Variants in IRAK4 observed in about 807,000 individuals in gnomAD.
IRAK4 encodes the protein interleukin-1 receptor-associated kinase 4.
In IRAK4, 44 loss-of-function variants were observed where a neutral mutation model predicts 51.8. That is an observed-to-expected ratio of 0.85 (90% CI 0.67 to 1.09). The LOEUF (loss-of-function observed/expected upper bound fraction) is 1.09. Ranked by LOEUF, IRAK4 falls within the 50% of genes least tolerant of loss-of-function variation. IRAK4 has a pLI of 0.00. For synonymous variants in IRAK4, 149 were observed against 174.1 expected, an observed-to-expected ratio of 0.86 and a Z score of 1.13; for missense variants, 487 against 538.0, an observed-to-expected ratio of 0.91 and a Z score of 0.94.
At chr12:43,760,986 A>G (rs1241433682) in intron 1 of IRAK4, 2 of 152,104 alleles carry the variant, frequency 1.3e-5, no homozygotes, top group African/African-American at 4.8e-5. Flanking sequence ...AGTCAATGGT[A>G]TTATATTTTG....
At chr12:43,765,677 A>G (rs1940061581) in intron 1 of IRAK4, among the ~76,000 whole-genome samples, 1 of 151,864 alleles carries the variant, frequency 6.6e-6, no homozygotes, top group Admixed American at 6.6e-5. Context: ...CACGATATGC[A>G]TTTTCCATGA....
chr12:43,783,597 A>T, intron 9 of IRAK4, 65 bp from the exon 10 acceptor site: 1 of 985,560 alleles, frequency 1.0e-6, no homozygotes, highest in Non-Finnish European at 1.6e-6. Flanking sequence ...CTGGGATTAC[A>T]GGCGTTAGCC....
chr12:43,760,638 A>T (rs1462793473), intron 1 of IRAK4, among the ~76,000 whole-genome samples: 5 of 152,186 alleles, frequency 3.3e-5, no homozygotes, highest in Admixed American at 1.3e-4. Flanking sequence ...CGTTTTGTCC[A>T]CAAACTTTTC....
At chr12:43,762,170 T>C (rs933978395) in intron 1 of IRAK4, among the ~76,000 whole-genome samples, 2 of 152,138 alleles carry the variant, frequency 1.3e-5, no homozygotes, top group Non-Finnish European at 2.9e-5. Flanking sequence ...AAGTATGTGG[T>C]TGGGAGTGGT....
rs1940713184 is a variant in IRAK4, at chr12:43,771,123, T to G, written c.162-97T>G. 8 of 1,085,116 alleles carry G rather than the reference T, an allele frequency of 7.4e-6. No individual in the cohort carries two copies. In the South Asian group the frequency reaches 1.1e-4, roughly 14 times the overall value. The allele number at this position is 1,085,116 out of a possible 1,614,324, so 67.2% of individuals were successfully genotyped here. A position where few individuals can be genotyped will look rare whatever the true frequency, so the allele number is the denominator to read the frequency against. On this transcript the variant is annotated intron_variant, in intron 2 of 11. Transcript: ENST00000613694. Reference sequence around the variant, plus strand: ...CAGAACCGTGAGCCAAATTAACTATTATTTATAAATTACCCTGTCTGTGGT... The same window carrying G: ...CAGAACCGTGAGCCAAATTAACTATGATTTATAAATTACCCTGTCTGTGGT...
chr12:43,779,564 A>G (rs1941594615), intron 8 of IRAK4, among the ~76,000 whole-genome samples: 3 of 152,212 alleles, frequency 2.0e-5, no homozygotes, highest in East Asian at 1.9e-4. Context: ...GGAGCAGATT[A>G]GAAAGATTAA....
chr12:43,761,220 T>C (rs1939518227), intron 1 of IRAK4, among the ~76,000 whole-genome samples: 1 of 152,228 alleles, frequency 6.6e-6, no homozygotes, highest in Admixed American at 6.5e-5. Context: ...CAGCATATTT[T>C]GCTAAGAATA....
At position 43,772,235 on chromosome 12, in the gene IRAK4, G is replaced by T. The variant is rs1940839846; in HGVS notation, c.363G>T (p.Gln121His). ...TLPSKEAITV[Q>H]QKQMPFCDKD... ...CTTCTAAAGAAGCTATAACAGTTCA[G>T]CAAAAACAGATGCCTTTCTGTGACA... The change falls in exon 4 of 12, where the codon CAG (glutamine) becomes CAT (histidine). Residue 121 changes from glutamine (Q) to histidine (H), a missense_variant. Coordinates refer to ENST00000613694, the MANE Select transcript of IRAK4 (RefSeq NM_016123.4). The T allele has an allele frequency of 6.2e-7, 1 of 1,613,670 alleles. No individual in the cohort carries two copies. Among genetic ancestry groups the T allele is most frequent in the African/African-American group, 1.3e-5 (1 of 74,912 alleles).
chr12:43,763,728 C>G (rs1444545923), intron 1 of IRAK4, among the ~76,000 whole-genome samples: 1 of 147,398 alleles, frequency 6.8e-6, no homozygotes, highest in Non-Finnish European at 1.5e-5. Flanking sequence ...CCTCATACTC[C>G]TCTCTCTCTC....
At chr12:43,768,337 T>C (rs991451899) in intron 2 of IRAK4, 65 bp downstream of exon 2, 3 of 1,256,922 alleles carry the variant, frequency 2.4e-6, no homozygotes, top group Middle Eastern at 2.6e-4. Context: ...TTAATTGGTA[T>C]AAGTACTGTC....
At position 43,789,120 on chromosome 12, in the gene IRAK4, A is replaced by G. The variant is rs1942396739; in HGVS notation, c.*2405A>G. The G allele has an allele frequency of 6.6e-6, 1 of 152,128 alleles. No homozygotes were observed. The highest frequency in any genetic ancestry group is 6.5e-5 in the Admixed American group (1 of 15,274). The allele number at this position is 152,128 out of a possible 1,614,324, so 9.4% of individuals were successfully genotyped here. ...TTTGGGGGGCTGGGGGTAGAATGAC[A>G]TTGTTTAGATGTTTGTCTCCTTCAA... On this transcript the variant is annotated 3_prime_UTR_variant, in exon 12 of 12. Coordinates refer to ENST00000613694, the MANE Select transcript of IRAK4 (RefSeq NM_016123.4).
Position 43,787,960 on chromosome 12 carries a change from G to C in IRAK4, c.*1245G>C, listed in dbSNP as rs1942320123. 6.6e-6 allele frequency: 1 copy of C among 152,324 alleles called. No individual in the cohort carries two copies. Among genetic ancestry groups the C allele is most frequent in the Non-Finnish European group, 1.5e-5 (1 of 68,168 alleles). 9.4% of individuals were successfully genotyped at this position (152,324 alleles called of 1,614,324 possible). On this transcript the variant is annotated 3_prime_UTR_variant, in exon 12 of 12. Transcript: ENST00000613694. ...TAGTCCCAGCTACTTGGGAGGCTGAGGCAGGAGACTAGCTGGAACCAGGGA... is the reference window on the plus strand; with the variant it reads ...TAGTCCCAGCTACTTGGGAGGCTGACGCAGGAGACTAGCTGGAACCAGGGA...
At chr12:43,775,715 T>C (rs1174633382) in intron 6 of IRAK4, among the ~76,000 whole-genome samples, 2 of 152,112 alleles carry the variant, frequency 1.3e-5, no homozygotes, top group Non-Finnish European at 2.9e-5. Context: ...CTTTATCATC[T>C]AGGGTAAAGT....
intron 8 of IRAK4, among the ~76,000 whole-genome samples, chr12:43,781,565 G>A (rs138525543): frequency 1.4e-3 from 213 of 152,156 alleles, no homozygotes; most frequent in Non-Finnish European, 2.2e-3. Context: ...TCAATACTAA[G>A]CACACTTTTC....
In IRAK4 at chr12:43,783,483, A is replaced by G. The variant is rs560045790; in HGVS notation, c.1126-179A>G. The stretch of plus-strand genomic sequence containing the variant: ...CAGGTGTGTGCCACCACACCCAGCC[A>G]ATGTTTTTTTAAAATTTTTTGTAGA... On this transcript the variant is annotated intron_variant, in intron 9 of 11. Transcript: ENST00000613694. 3.3e-5 allele frequency among the ~76,000 whole-genome samples: 5 copies of G among 152,060 alleles called. No individual in the cohort carries two copies. In the South Asian group the frequency reaches 1.0e-3, roughly 32 times the overall value.
At chr12:43,772,131 A>T in intron 3 of IRAK4, 49 bp from the exon 4 acceptor site, 1 of 1,469,674 alleles carries the variant, frequency 6.8e-7, no homozygotes, top group Non-Finnish European at 9.5e-7. Context: ...CTTTTTCACA[A>T]CCACTTTTTC....
intron 4 of IRAK4, among the ~76,000 whole-genome samples, chr12:43,772,563 C>T (rs1482253589): frequency 6.6e-6 from 1 of 151,920 alleles, no homozygotes; most frequent in Non-Finnish European, 1.5e-5. Flanking sequence ...GACATGCAAA[C>T]AACCAGAGAA....
At chr12:43,784,907 G>A (rs1464772207) in intron 10 of IRAK4, among the ~76,000 whole-genome samples, 1 of 152,150 alleles carries the variant, frequency 6.6e-6, no homozygotes, top group Admixed American at 6.5e-5. Flanking sequence ...CTTTGAAAGT[G>A]GTTTTGAAGA....
At position 43,782,385 on chromosome 12, in the gene IRAK4, C is replaced by G. The variant is rs2138046872; in HGVS notation, c.1020C>G (p.Ala340=). ...FGLARASEKF[A]QTVMTSRIVG... is the part of the protein sequence containing the mutation. ...TTGCACGGGCTTCTGAGAAGTTTGCCCAGACAGTCATGACTAGCAGAATTG... is the reference window on the plus strand; with the variant it reads ...TTGCACGGGCTTCTGAGAAGTTTGCGCAGACAGTCATGACTAGCAGAATTG... Residue 340 remains alanine, a synonymous_variant, in exon 9 of 12, where the codon GCC becomes GCG. Transcript: ENST00000613694. The G allele has an allele frequency of 1.2e-6, 2 of 1,613,596 alleles. No individual in the cohort carries two copies. The highest frequency in any genetic ancestry group is 1.1e-5 in the South Asian group (1 of 91,066).
Sources: allele counts gnomAD v4.1 joint callset (sites outside exome capture counted in the v4.1 genomes callset), GRCh38; gene constraint gnomAD v4.1.1; transcripts MANE v1.5; gene names NCBI Gene and HGNC (gene_info 2026-07-23, HGNC 2026-07-21).